Variants in JAK2 observed in about 807,000 individuals in gnomAD.
JAK2 encodes the protein Janus kinase 2.
Under a neutral mutation model 139.3 loss-of-function variants are expected in JAK2, and 86 were observed. The observed-to-expected ratio is 0.62, with a 90% CI of 0.52 to 0.74. The LOEUF is 0.74. Ranked by LOEUF, JAK2 falls within the 30% of genes least tolerant of loss-of-function variation. The pLI is 0.00. For synonymous variants in JAK2, 490 were observed against 437.7 expected (o/e 1.12, Z -1.49); for missense variants, 1,421 against 1,360.3 (o/e 1.04, Z -0.70).
chr9:5,104,342 C>T (rs1424114584), intron 22 of JAK2, among the ~76,000 whole-genome samples: 2 of 152,158 alleles, frequency 1.3e-5, no homozygotes, highest in African/African-American at 4.8e-5. Context: ...TGGACACATA[C>T]ACCCTCCCAA....
rs373353534 is a variant in JAK2 at position 5,081,805 on chromosome 9, C to G, written c.2515C>G (p.Arg839Gly). 1.2e-6 allele frequency: 2 copies of G among 1,612,610 alleles called. No homozygotes were observed. ...ALGFSGAFED[R>G]DPTQFEERHL... ...GGGGTTTTCTGGTGCCTTTGAAGACCGGGATCCTACACAGTTTGAAGAGAG... is the reference window on the plus strand; with the variant it reads ...GGGGTTTTCTGGTGCCTTTGAAGACGGGGATCCTACACAGTTTGAAGAGAG... The change falls in exon 19 of 25, where the codon CGG (arginine) becomes GGG (glycine). Residue 839 changes from arginine to glycine, a missense_variant. Coordinates refer to ENST00000381652, the MANE Select transcript of JAK2 (RefSeq NM_004972.4).
chr9:5,024,481 T>C (rs1822647923), intron 3 of JAK2, among the ~76,000 whole-genome samples: 1 of 152,132 alleles, frequency 6.6e-6, no homozygotes, highest in African/African-American at 2.4e-5. Flanking sequence ...CTTCCCTTCC[T>C]GCTTGTGCTG....
chr9:5,100,062 A>G (rs1821349588), intron 22 of JAK2: 1 of 152,218 alleles, frequency 6.6e-6, no homozygotes, highest in Non-Finnish European at 1.5e-5. Context: ...TCAGTCATCT[A>G]CTAATACATT....
intron 22 of JAK2, among the ~76,000 whole-genome samples, chr9:5,113,102 C>T (rs1822782711): frequency 6.6e-6 from 1 of 152,060 alleles, no homozygotes; most frequent in Non-Finnish European, 1.5e-5. Flanking sequence ...GCTCCCCCTG[C>T]CCCCGTATCT....
intron 19 of JAK2, among the ~76,000 whole-genome samples, chr9:5,087,926 T>C (rs751849896): frequency 5.9e-5 from 9 of 152,222 alleles, no homozygotes; most frequent in Non-Finnish European, 8.8e-5. Flanking sequence ...TGCATTCGTG[T>C]GACAATATAC....
At chr9:4,987,033 A>G (rs1422213834) in intron 2 of JAK2, among the ~76,000 whole-genome samples, 2 of 152,106 alleles carry the variant, frequency 1.3e-5, no homozygotes, top group Admixed American at 1.3e-4. Flanking sequence ...ACCTTATACC[A>G]CTTTAAGTGT....
chr9:4,993,570 AAACT>A (rs1258823748), intron 2 of JAK2, among the ~76,000 whole-genome samples: 1 of 152,186 alleles, frequency 6.6e-6, no homozygotes, highest in Non-Finnish European at 1.5e-5. Context: ...CAGTTTTGCT[AAACT>A]TTGCCCTAGT....
intron 22 of JAK2, among the ~76,000 whole-genome samples, chr9:5,093,877 A>G (rs1393211562): frequency 6.6e-6 from 1 of 152,138 alleles, no homozygotes; most frequent in East Asian, 1.9e-4. Context: ...TTCAGACCAG[A>G]GTAATCCAGG....
At chr9:5,080,501 T>C in intron 17 of JAK2, 32 bp from the exon 18 acceptor site, 2 of 1,562,342 alleles carry the variant, frequency 1.3e-6, no homozygotes, top group Non-Finnish European at 1.7e-6. Context: ...CATTACACAA[T>C]TTATTCTCAG....
chr9:5,119,329 G>A (rs973026181), intron 22 of JAK2, among the ~76,000 whole-genome samples: 5 of 151,898 alleles, frequency 3.3e-5, no homozygotes, highest in African/African-American at 1.2e-4. Flanking sequence ...AGCTAATGAA[G>A]CATATCCAGA....
intron 22 of JAK2, among the ~76,000 whole-genome samples, chr9:5,102,931 T>C (rs1401126975): frequency 6.6e-6 from 1 of 151,992 alleles, no homozygotes; most frequent in Non-Finnish European, 1.5e-5. Flanking sequence ...TAGCAGCCAC[T>C]GCAAAAACAT....
At chr9:5,101,572 C>T (rs1418598761) in intron 22 of JAK2, among the ~76,000 whole-genome samples, 4 of 152,260 alleles carry the variant, frequency 2.6e-5, no homozygotes, top group African/African-American at 9.6e-5. Context: ...GACAGACTGC[C>T]TCAGGTGGAT....
intron 2 of JAK2, among the ~76,000 whole-genome samples, chr9:5,001,304 ATTAAG>A (rs1007415944): frequency 1.3e-5 from 2 of 152,188 alleles, no homozygotes; most frequent in African/African-American, 4.8e-5. Context: ...ATATGTAATC[ATTAAG>A]TAATAGAAGG....
intron 2 of JAK2, among the ~76,000 whole-genome samples, chr9:4,991,932 A>T (rs1349497423): frequency 6.6e-6 from 1 of 152,028 alleles, no homozygotes; most frequent in Non-Finnish European, 1.5e-5. Flanking sequence ...TTCCATCAGC[A>T]TTACTCTGAT....
At chr9:5,120,936 T>C (rs1338167148) in intron 22 of JAK2, among the ~76,000 whole-genome samples, 1 of 152,184 alleles carries the variant, frequency 6.6e-6, no homozygotes, top group Admixed American at 6.5e-5. Flanking sequence ...ATCTTTAATG[T>C]GGAAATGTTC....
intron 3 of JAK2, among the ~76,000 whole-genome samples, chr9:5,026,696 G>C (rs1262609846): frequency 2.0e-5 from 3 of 152,108 alleles, no homozygotes; most frequent in Admixed American, 2.0e-4. Flanking sequence ...TCACGTGATT[G>C]TTGTGTTTGT....
intron 16 of JAK2, among the ~76,000 whole-genome samples, 174 bp from the exon 17 acceptor site, chr9:5,080,055 G>T (rs953750736): frequency 3.3e-5 from 5 of 152,138 alleles, no homozygotes; most frequent in African/African-American, 1.2e-4. Context: ...GATCTTGAAG[G>T]TCCCTTCTGG....
chr9:5,118,997 T>A (rs904634695), intron 22 of JAK2, among the ~76,000 whole-genome samples: 1 of 152,204 alleles, frequency 6.6e-6, no homozygotes, highest in Non-Finnish European at 1.5e-5. Flanking sequence ...TGGATGTACC[T>A]TGTTTAAACT....
At position 5,005,137 on chromosome 9, in the gene JAK2, A is replaced by G. The variant is rs181676388; in HGVS notation, c.-25-16826A>G. On this transcript the variant is annotated intron_variant, in intron 2 of 24. Coordinates refer to ENST00000381652, the MANE Select transcript of JAK2 (RefSeq NM_004972.4). ...TTTTTTTTTTTTTTTTTTTTTAGGT[A>G]CAGGGTCTCACTGTGTTGCCCAGGC... is the stretch of plus-strand genomic sequence containing the variant. Among the ~76,000 whole-genome samples, 23 of 87,218 alleles carry G rather than the reference A, an allele frequency of 2.6e-4. No individual in the cohort carries two copies. In the East Asian group the frequency reaches 9.1e-3, roughly 35 times the overall value. 57.2% of individuals were successfully genotyped at this position (87,218 alleles called of 152,430 possible).
Sources: allele counts gnomAD v4.1 joint callset (sites outside exome capture counted in the v4.1 genomes callset), GRCh38; gene constraint gnomAD v4.1.1; transcripts MANE v1.5; gene names NCBI Gene and HGNC (gene_info 2026-07-23, HGNC 2026-07-21).